ZNF407: variants seen among roughly 807,000 people sequenced by gnomAD.
The protein encoded by ZNF407 is zinc finger protein 407.
ZNF407 carries 17 observed loss-of-function variants against 131.2 expected under a neutral mutation model. That is an observed-to-expected ratio of 0.13 (90% CI 0.09 to 0.19). The LOEUF is 0.19. Ranked by LOEUF, ZNF407 falls within the 10% of genes least tolerant of loss-of-function variation. ZNF407 has a pLI of 1.00. For synonymous variants in ZNF407, 1,156 were observed against 1,062.0 expected (o/e 1.09, Z -1.72); for missense variants, 2,681 against 2,830.6 (o/e 0.95, Z 1.20).
At position 75,064,079 on chromosome 18, in the gene ZNF407, GGTGCCCAGA is replaced by G; in HGVS notation, c.6359_6367del (p.Gly2120_Ile2123delinsVal). 6.3e-7 allele frequency: 1 copy of G among 1,589,424 alleles called. No homozygotes were observed. The highest frequency in any genetic ancestry group is 8.6e-7 in the Non-Finnish European group (1 of 1,168,782). On this transcript the variant is annotated inframe_deletion, in exon 9 of 9. Transcript: ENST00000299687. ...TGCCGTCCACATGGTCGCCGGGGAG[GGTGCCCAGA>G]TCATCATGCAGGAGGCGCAGGGCGA... is the stretch of plus-strand genomic sequence containing the variant.
rs532939013 is a variant in ZNF407 at position 74,935,605 on chromosome 18, C to T, written c.5428+14913C>T. 9.2e-5 allele frequency among the ~76,000 whole-genome samples: 14 copies of T among 152,112 alleles called. No homozygotes were observed. In the South Asian group the frequency reaches 2.1e-3, roughly 23 times the overall value. ...GTGTGCTACGGGGTGGCAATGTGGC[C>T]GCAGCTCATGTAACTTGTAAACACG... is the stretch of plus-strand genomic sequence containing the variant. On this transcript the variant is annotated intron_variant, in intron 8 of 8. Coordinates refer to ENST00000299687, the MANE Select transcript of ZNF407 (RefSeq NM_017757.3).
At chr18:75,043,176 T>A (rs1462011670) in intron 8 of ZNF407, among the ~76,000 whole-genome samples, 4 of 152,228 alleles carry the variant, frequency 2.6e-5, no homozygotes, top group Non-Finnish European at 5.9e-5. Context: ...CACCAGCACT[T>A]GGCATGATCG....
intron 4 of ZNF407, among the ~76,000 whole-genome samples, chr18:74,872,665 G>A (rs1399641909): frequency 1.3e-5 from 2 of 151,566 alleles, no homozygotes; most frequent in Admixed American, 6.6e-5. Flanking sequence ...GCTGAAGCAG[G>A]GGAATCGCTT....
chr18:74,887,968 A>G (rs937096485), intron 6 of ZNF407, among the ~76,000 whole-genome samples: 1 of 152,218 alleles, frequency 6.6e-6, no homozygotes, highest in African/African-American at 2.4e-5. Flanking sequence ...GGTAAGCAGT[A>G]TAAATAGACG....
intron 4 of ZNF407, among the ~76,000 whole-genome samples, chr18:74,869,403 G>A (rs547162292): frequency 6.6e-6 from 1 of 152,264 alleles, no homozygotes; most frequent in East Asian, 1.9e-4. Flanking sequence ...CTGCCATACA[G>A]TTGAAAGGGG....
Position 75,064,051 on chromosome 18 carries a change from G to A in ZNF407, c.6330G>A (p.Glu2110=), listed in dbSNP as rs1250643297. ...DGVTQVVVSE[E]GAVHMVAGEG... ...TCACCCAGGTGGTGGTGAGCGAAGA[G>A]GGTGCCGTCCACATGGTCGCCGGGG... The change falls in exon 9 of 9, where the codon GAG becomes GAA. Residue 2110 remains glutamate, a synonymous_variant. Transcript: ENST00000299687. The A allele has an allele frequency of 6.3e-7, 1 of 1,596,562 alleles. No individual in the cohort carries two copies. The highest frequency in any genetic ancestry group is 8.5e-7 in the Non-Finnish European group (1 of 1,172,326).
intron 8 of ZNF407, among the ~76,000 whole-genome samples, chr18:75,059,744 G>C (rs973780835): frequency 6.6e-6 from 1 of 152,104 alleles, no homozygotes; most frequent in Non-Finnish European, 1.5e-5. Flanking sequence ...AGCTGTGGGC[G>C]CCACCCTCTT....
intron 4 of ZNF407, among the ~76,000 whole-genome samples, chr18:74,859,901 T>C (rs1970913477): frequency 6.6e-6 from 1 of 152,186 alleles, no homozygotes; most frequent in South Asian, 2.1e-4. Context: ...TTCCTTCCAG[T>C]AGCTCACAAA....
At chr18:74,854,210 G>A (rs1479455959) in intron 4 of ZNF407, among the ~76,000 whole-genome samples, 1 of 152,154 alleles carries the variant, frequency 6.6e-6, no homozygotes, top group Non-Finnish European at 1.5e-5. Context: ...CAAAAGATCT[G>A]TGTTTTACCA....
chr18:74,909,396 A>G (rs1971639056), intron 7 of ZNF407, among the ~76,000 whole-genome samples: 1 of 152,284 alleles, frequency 6.6e-6, no homozygotes, highest in South Asian at 2.1e-4. Context: ...CTTAATCCTC[A>G]TGATGGCATT....
intron 4 of ZNF407, among the ~76,000 whole-genome samples, chr18:74,873,788 G>A (rs1400642533): frequency 6.6e-6 from 1 of 151,956 alleles, no homozygotes; most frequent in African/African-American, 2.4e-5. Context: ...GCATAGCTAC[G>A]TGCATGAGAA....
intron 8 of ZNF407, among the ~76,000 whole-genome samples, chr18:75,000,581 C>T (rs929198358): frequency 2.0e-5 from 3 of 152,102 alleles, no homozygotes; most frequent in African/African-American, 7.2e-5. Flanking sequence ...CTTGATATGG[C>T]ATCTCTTCAG....
chr18:74,839,398 G>A (rs1366816525), intron 4 of ZNF407, among the ~76,000 whole-genome samples: 3 of 152,224 alleles, frequency 2.0e-5, no homozygotes, highest in African/African-American at 2.4e-5. Context: ...CTGATGAGCA[G>A]GTTGGAAATT....
At chr18:74,891,381 A>G (rs1251611271) in intron 7 of ZNF407, among the ~76,000 whole-genome samples, 44 of 152,220 alleles carry the variant, frequency 2.9e-4, no homozygotes, top group Admixed American at 2.9e-3. Context: ...GTTGAATATT[A>G]TGTATGTTAA....
intron 4 of ZNF407, among the ~76,000 whole-genome samples, chr18:74,862,186 G>A (rs1970946869): frequency 6.6e-6 from 1 of 152,182 alleles, no homozygotes; most frequent in Non-Finnish European, 1.5e-5. Flanking sequence ...AATAATGGAT[G>A]GAAACATTGT....
chr18:74,929,239 C>T lies in ZNF407; in HGVS notation c.5428+8547C>T, dbSNP rs565694934. Among the ~76,000 whole-genome samples the T allele has an allele frequency of 2.2e-4, 33 of 152,298 alleles. No homozygotes were observed. The South Asian group carries it at 5.0e-3, about 23-fold the overall frequency. On this transcript the variant is annotated intron_variant, in intron 8 of 8. Transcript: ENST00000299687. ...GTGATGGCCTGTATGATTCGAGCCG[C>T]GCCAGCGCTTCCTTCCCGGCTCCCT...
intron 3 of ZNF407, 108 bp downstream of exon 3, chr18:74,641,230 A>G: frequency 2.7e-6 from 2 of 752,040 alleles, no homozygotes; most frequent in Non-Finnish European, 4.7e-6. Context: ...AAAATTATGC[A>G]TGCGTACCCT....
intron 5 of ZNF407, among the ~76,000 whole-genome samples, chr18:74,878,141 A>G (rs1175727881): frequency 6.6e-6 from 1 of 152,088 alleles, no homozygotes; most frequent in South Asian, 2.1e-4. Flanking sequence ...TTTCTTTTTT[A>G]TAGTCTAAGT....
At chr18:74,850,634 C>T (rs1469449717) in intron 4 of ZNF407, among the ~76,000 whole-genome samples, 1 of 152,154 alleles carries the variant, frequency 6.6e-6, no homozygotes, top group Non-Finnish European at 1.5e-5. Flanking sequence ...TGGTTTATAA[C>T]AAATAAAGGC....
Sources: gnomAD v4.1 joint callset for allele counts (sites outside exome capture counted in the v4.1 genomes callset) on GRCh38, gnomAD v4.1.1 for gene constraint, MANE v1.5 for transcripts, NCBI Gene and HGNC (gene_info 2026-07-23, HGNC 2026-07-21) for gene names.